The following CDK5RAP2 variants were observed in gnomAD, a reference collection of about 807,000 sequenced individuals.
CDK5RAP2 encodes CDK5 regulatory subunit associated protein 2.
Under a neutral mutation model 232.9 loss-of-function variants are expected in CDK5RAP2, and 147 were observed. The observed-to-expected ratio is 0.63, with a 90% CI of 0.55 to 0.72. The LOEUF (loss-of-function observed/expected upper bound fraction) is 0.72. Among genes scored for constraint, CDK5RAP2 ranks in the 30% least tolerant of loss-of-function variants. CDK5RAP2 has a pLI of 0.00. For synonymous variants in CDK5RAP2, 833 were observed against 833.7 expected, an observed-to-expected ratio of 1.00 and a Z score of 0.01; for missense variants, 2,195 against 2,231.5, an observed-to-expected ratio of 0.98 and a Z score of 0.33.
Position 120,525,004 on chromosome 9 carries a change from T to G in CDK5RAP2, c.1074A>C (p.Ala358=). 1 of 1,613,946 alleles carries G rather than the reference T, an allele frequency of 6.2e-7. No individual in the cohort carries two copies. Among genetic ancestry groups the G allele is most frequent in the African/African-American group, 1.3e-5 (1 of 75,058 alleles). The part of the protein sequence containing the change: ...FAKAREALQK[A]QTQEFQGSED... ...CACTTACCTGAAATTCCTGGGTCTG[T>G]GCTTTCTGTAGGGCCTCTCTGGCTT... The change falls in exon 11 of 38, where the codon GCA becomes GCC. Residue 358 remains alanine (A), a synonymous_variant. Transcript: ENST00000349780.
chr9:120,489,347 T>C (rs894886213), intron 13 of CDK5RAP2, among the ~76,000 whole-genome samples: 14 of 152,246 alleles, frequency 9.2e-5, no homozygotes, highest in Non-Finnish European at 5.9e-5. Context: ...TCATTCTTTG[T>C]GCTAGAAACA....
intron 14 of CDK5RAP2, among the ~76,000 whole-genome samples, chr9:120,480,526 C>T (rs2131581609): frequency 6.6e-6 from 1 of 152,308 alleles, no homozygotes; most frequent in East Asian, 1.9e-4. Flanking sequence ...ATACTCACCA[C>T]CATATCTTAC....
intron 34 of CDK5RAP2, among the ~76,000 whole-genome samples, chr9:120,401,432 G>A (rs545981375): frequency 4.3e-4 from 66 of 151,968 alleles, no homozygotes; most frequent in Middle Eastern, 3.4e-3. Context: ...GCAACATAGT[G>A]AGACCCCCAT....
intron 3 of CDK5RAP2, among the ~76,000 whole-genome samples, chr9:120,558,072 TTC>T (rs2042305328): frequency 7.3e-6 from 1 of 137,316 alleles, no homozygotes; most frequent in Non-Finnish European, 1.6e-5. Flanking sequence ...AGCCAAGAAA[TTC>T]TTTTTTAAAA....
intron 23 of CDK5RAP2, chr9:120,440,478 T>A (rs562918728): frequency 7.0e-4 from 119 of 170,920 alleles, no homozygotes; most frequent in South Asian, 1.2e-3. Flanking sequence ...TCCTACCTAA[T>A]GAACTCTTTC....
At chr9:120,536,738 G>T in intron 6 of CDK5RAP2, 1 of 632,860 alleles carries the variant, frequency 1.6e-6, no homozygotes, top group Non-Finnish European at 2.8e-6. Context: ...CATTTCCAAT[G>T]GAAAAGACTC....
At chr9:120,408,528 C>A in intron 30 of CDK5RAP2, 60 bp from the exon 31 acceptor site, 1 of 1,600,608 alleles carries the variant, frequency 6.2e-7, no homozygotes, top group South Asian at 1.1e-5. Flanking sequence ...GTAACTTATT[C>A]AAACCCCACA....
chr9:120,389,690 A>G lies in CDK5RAP2; in HGVS notation c.5625+51T>C, dbSNP rs532535510. Reference sequence around the variant, plus strand: ...TTCAAGAGGTCCTTTCTGGCCCTGCACTCCTCCTGACCTTCCACTGGCCTG... The same window carrying G: ...TTCAAGAGGTCCTTTCTGGCCCTGCGCTCCTCCTGACCTTCCACTGGCCTG... On this transcript the variant is annotated intron_variant, in intron 37 of 37. Transcript: ENST00000349780. The G allele has an allele frequency of 9.6e-6, 15 of 1,555,536 alleles. No individual in the cohort carries two copies. The South Asian group carries it at 1.3e-4, about 14-fold the overall frequency.
intron 21 of CDK5RAP2, among the ~76,000 whole-genome samples, chr9:120,452,852 G>A (rs1283915453): frequency 2.6e-5 from 4 of 152,028 alleles, no homozygotes; most frequent in Non-Finnish European, 4.4e-5. Context: ...GGTTAACAAC[G>A]GGAACATGGG....
intron 15 of CDK5RAP2, among the ~76,000 whole-genome samples, chr9:120,473,623 A>T (rs2037843919): frequency 6.6e-6 from 1 of 152,198 alleles, no homozygotes; most frequent in African/African-American, 2.4e-5. Flanking sequence ...CACGCAAGGG[A>T]AAGGGCCCTA....
chr9:120,490,124 C>A (rs149746836), intron 13 of CDK5RAP2, among the ~76,000 whole-genome samples: 293 of 152,276 alleles, frequency 1.9e-3, no homozygotes, highest in Admixed American at 3.9e-3. Context: ...CTCCTAAATT[C>A]TTTTCTCCTA....
intron 35 of CDK5RAP2, among the ~76,000 whole-genome samples, chr9:120,400,235 G>C (rs960142796): frequency 6.6e-6 from 1 of 152,128 alleles, no homozygotes; most frequent in Non-Finnish European, 1.5e-5. Context: ...TTTGGAGCCT[G>C]TCATTCCTAA....
intron 21 of CDK5RAP2, among the ~76,000 whole-genome samples, chr9:120,451,642 G>C (rs973677738): frequency 6.6e-6 from 1 of 152,024 alleles, no homozygotes; most frequent in African/African-American, 2.4e-5. Flanking sequence ...GTGGTGATTG[G>C]AGGGCTCTTC....
At chr9:120,392,470 G>A (rs906721335) in intron 36 of CDK5RAP2, among the ~76,000 whole-genome samples, 3 of 152,122 alleles carry the variant, frequency 2.0e-5, no homozygotes, top group Non-Finnish European at 2.9e-5. Flanking sequence ...TCAACCCATC[G>A]AAACCTACTT....
chr9:120,417,079 A>T (rs2034264725), intron 27 of CDK5RAP2, among the ~76,000 whole-genome samples: 1 of 152,158 alleles, frequency 6.6e-6, no homozygotes, highest in South Asian at 2.1e-4. Context: ...ACGGCACTGC[A>T]TCTCCACGCT....
At chr9:120,554,462 C>T (rs2042152939) in intron 3 of CDK5RAP2, among the ~76,000 whole-genome samples, 1 of 152,150 alleles carries the variant, frequency 6.6e-6, no homozygotes, top group South Asian at 2.1e-4. Context: ...GCTTTGGAGA[C>T]AATATTAAGT....
chr9:120,509,359 G>T (rs1306077004), intron 12 of CDK5RAP2, among the ~76,000 whole-genome samples: 1 of 152,182 alleles, frequency 6.6e-6, no homozygotes, highest in Non-Finnish European at 1.5e-5. Flanking sequence ...AGGAAAACAG[G>T]AAAGAAAAGA....
intron 17 of CDK5RAP2, among the ~76,000 whole-genome samples, 194 bp downstream of exon 17, chr9:120,469,917 G>A (rs1378982774): frequency 6.6e-6 from 1 of 152,094 alleles, no homozygotes; most frequent in Non-Finnish European, 1.5e-5. Context: ...GGGTTCTCAG[G>A]CCTGGGGAGT....
intron 3 of CDK5RAP2, among the ~76,000 whole-genome samples, chr9:120,552,343 G>A (rs1008548620): frequency 1.3e-5 from 2 of 152,014 alleles, no homozygotes; most frequent in African/African-American, 2.4e-5. Flanking sequence ...CCATTACTGG[G>A]TATATACCCA....
Sources: allele counts gnomAD v4.1 joint callset (sites outside exome capture counted in the v4.1 genomes callset), GRCh38; gene constraint gnomAD v4.1.1; transcripts MANE v1.5; gene names NCBI Gene and HGNC (gene_info 2026-07-23, HGNC 2026-07-21).